The following SLC35F1 variants were observed in gnomAD, a reference collection of about 807,000 sequenced individuals.
SLC35F1 encodes the protein chromosome 6 open reading frame 169.
SLC35F1 carries 14 observed loss-of-function variants against 48.7 expected under a neutral mutation model. That is an observed-to-expected ratio of 0.29 (90% CI 0.19 to 0.45). SLC35F1 has a LOEUF of 0.45. SLC35F1 is among the 20% of genes least tolerant of loss of function. SLC35F1 has a pLI of 1.00. For synonymous variants in SLC35F1, 190 were observed against 202.2 expected (o/e 0.94, Z 0.51); for missense variants, 404 against 500.0 (o/e 0.81, Z 1.83).
At chr6:118,049,509 A>C (rs1772352793) in intron 1 of SLC35F1, among the ~76,000 whole-genome samples, 1 of 152,028 alleles carries the variant, frequency 6.6e-6, no homozygotes. Flanking sequence ...AACTCAAACA[A>C]ATTTACAAGA....
At chr6:117,993,358 A>G (rs1211758227) in intron 1 of SLC35F1, among the ~76,000 whole-genome samples, 1 of 152,190 alleles carries the variant, frequency 6.6e-6, no homozygotes, top group Non-Finnish European at 1.5e-5. Flanking sequence ...TTTTGAAATT[A>G]TAGTCATTCC....
At chr6:118,007,483 G>A (rs1046603429) in intron 1 of SLC35F1, among the ~76,000 whole-genome samples, 1 of 152,136 alleles carries the variant, frequency 6.6e-6, no homozygotes, top group Non-Finnish European at 1.5e-5. Context: ...CTTCAGGGGT[G>A]CACTCTTTAT....
At chr6:118,000,138 T>C (rs1277914696) in intron 1 of SLC35F1, among the ~76,000 whole-genome samples, 2 of 152,122 alleles carry the variant, frequency 1.3e-5, no homozygotes, top group Non-Finnish European at 2.9e-5. Flanking sequence ...CTGGCAGAGA[T>C]ACAACCAAAA....
intron 1 of SLC35F1, among the ~76,000 whole-genome samples, chr6:118,055,737 C>T (rs2114262552): frequency 6.6e-6 from 1 of 152,162 alleles, no homozygotes; most frequent in East Asian, 1.9e-4. Context: ...CAGGAAAGGC[C>T]CAGAATGAGT....
chr6:118,080,651 G>C (rs1281916149), intron 1 of SLC35F1, among the ~76,000 whole-genome samples: 1 of 152,216 alleles, frequency 6.6e-6, no homozygotes, highest in African/African-American at 2.4e-5. Context: ...GGAATAAAAT[G>C]AAAGTGCTTG....
intron 1 of SLC35F1, among the ~76,000 whole-genome samples, chr6:118,040,673 T>A (rs1772203544): frequency 6.6e-6 from 1 of 151,894 alleles, no homozygotes; most frequent in African/African-American, 2.4e-5. Flanking sequence ...AGGTTAGTAG[T>A]TTAACCTCAT....
intron 4 of SLC35F1, 38 bp downstream of exon 4, chr6:118,267,192 C>A: frequency 1.2e-6 from 2 of 1,608,960 alleles, no homozygotes; most frequent in South Asian, 1.1e-5. Flanking sequence ...CTTACCTCTG[C>A]GGGTGAGGCC....
chr6:118,261,967 T>TA (rs1775718399), intron 3 of SLC35F1, among the ~76,000 whole-genome samples: 1 of 152,126 alleles, frequency 6.6e-6, no homozygotes, highest in Non-Finnish European at 1.5e-5. Context: ...ATCCCAGACT[T>TA]AGAGTTGTGA....
At chr6:118,241,174 G>A (rs1775435472) in intron 3 of SLC35F1, among the ~76,000 whole-genome samples, 1 of 152,146 alleles carries the variant, frequency 6.6e-6, no homozygotes, top group South Asian at 2.1e-4. Flanking sequence ...ATTTTTCTTA[G>A]GAAACAAATG....
intron 2 of SLC35F1, among the ~76,000 whole-genome samples, chr6:118,232,975 T>A (rs558435977): frequency 2.6e-5 from 4 of 151,456 alleles, no homozygotes; most frequent in Admixed American, 6.6e-5. Flanking sequence ...TTTTCTGGTT[T>A]TTTTTTTTTT....
intron 1 of SLC35F1, among the ~76,000 whole-genome samples, chr6:117,976,343 T>A (rs1021989388): frequency 6.6e-6 from 1 of 152,228 alleles, no homozygotes; most frequent in Non-Finnish European, 1.5e-5. Flanking sequence ...GCTAATTGGC[T>A]TTCTTCCTTT....
intron 1 of SLC35F1, among the ~76,000 whole-genome samples, chr6:118,008,170 T>C (rs1023624046): frequency 5.3e-5 from 8 of 152,162 alleles, no homozygotes; most frequent in Admixed American, 2.0e-4. Context: ...ATTACCCTGA[T>C]TTGATCACTA....
intron 2 of SLC35F1, among the ~76,000 whole-genome samples, chr6:118,226,423 A>G (rs1036530003): frequency 1.3e-5 from 2 of 152,192 alleles, no homozygotes; most frequent in African/African-American, 4.8e-5. Context: ...TGTTTATTGC[A>G]GCACTATTCA....
At chr6:117,938,493 T>C (rs1033498775) in intron 1 of SLC35F1, among the ~76,000 whole-genome samples, 1 of 152,318 alleles carries the variant, frequency 6.6e-6, no homozygotes, top group African/African-American at 2.4e-5. Flanking sequence ...TGCCTCCTCA[T>C]GCATTCTCTG....
chr6:118,143,554 A>G (rs1582691389), intron 1 of SLC35F1, among the ~76,000 whole-genome samples: 1 of 152,176 alleles, frequency 6.6e-6, no homozygotes, highest in African/African-American at 2.4e-5. Flanking sequence ...GGAATCCTCT[A>G]AACTTTCCAA....
chr6:117,921,896 T>A (rs1370565918), intron 1 of SLC35F1, among the ~76,000 whole-genome samples: 1 of 152,154 alleles, frequency 6.6e-6, no homozygotes, highest in African/African-American at 2.4e-5. Context: ...TAAATGGGAA[T>A]GTAGGTAGAA....
intron 1 of SLC35F1, among the ~76,000 whole-genome samples, chr6:117,933,860 C>T (rs1046162599): frequency 3.9e-5 from 6 of 152,114 alleles, no homozygotes; most frequent in East Asian, 1.9e-4. Context: ...TGCGTGAGAA[C>T]GTAGAGCTCA....
chr6:118,141,725 G>A (rs1315790404), intron 1 of SLC35F1, among the ~76,000 whole-genome samples: 2 of 152,150 alleles, frequency 1.3e-5, no homozygotes, highest in Non-Finnish European at 2.9e-5. Flanking sequence ...ACATTGTGGG[G>A]GAGGTAGGAT....
rs186838292 is a variant in SLC35F1, at chr6:118,292,853, C to G, written c.1002+7515C>G. 2.6e-5 allele frequency among the ~76,000 whole-genome samples: 4 copies of G among 152,286 alleles called. No individual in the cohort carries two copies. The East Asian group carries it at 5.8e-4, about 22-fold the overall frequency. On this transcript the variant is annotated intron_variant, in intron 7 of 7. Transcript: ENST00000360388. The stretch of plus-strand genomic sequence containing the variant: ...ATGACCTAATTCTAAATTCATCTAT[C>G]TGAAAGGCATAGTGCTTCTGCAAAC...
Sources: gnomAD v4.1 joint callset for allele counts (sites outside exome capture counted in the v4.1 genomes callset) on GRCh38, gnomAD v4.1.1 for gene constraint, MANE v1.5 for transcripts, NCBI Gene and HGNC (gene_info 2026-07-23, HGNC 2026-07-21) for gene names.